Variants in RAD51C observed in about 807,000 individuals in gnomAD.
RAD51C encodes the protein RAD51 paralog C.
A neutral mutation model predicts 45.0 loss-of-function variants in RAD51C; 42 were observed. The ratio of observed to expected loss-of-function variants is 0.93; its 90% CI spans 0.73 to 1.21. The LOEUF is 1.21. Among genes scored for constraint, RAD51C ranks in the 50% most tolerant of loss-of-function variants. The pLI, the probability that RAD51C is intolerant of heterozygous loss-of-function variation, is 0.00. For synonymous variants in RAD51C, 172 were observed against 159.8 expected (o/e 1.08, Z -0.58); for missense variants, 474 against 452.2 (o/e 1.05, Z -0.44).
At chr17:58,706,455 GAA>G (rs1389382655) in intron 4 of RAD51C, 1 of 372,508 alleles carries the variant, frequency 2.7e-6, no homozygotes, top group South Asian at 2.1e-5. Context: ...ATTAAAAAAA[GAA>G]TGATCCTTTG....
At chr17:58,730,164 C>CTTTTT (rs35483724) in intron 7 of RAD51C, among the ~76,000 whole-genome samples, 1 of 121,932 alleles carries the variant, frequency 8.2e-6, no homozygotes, top group Non-Finnish European at 1.7e-5. Flanking sequence ...CACAGCTGTT[C>CTTTTT]TTTTTTTTTT....
At chr17:58,699,557 G>C (rs991409428) in intron 3 of RAD51C, among the ~76,000 whole-genome samples, 5 of 151,704 alleles carry the variant, frequency 3.3e-5, no homozygotes, top group African/African-American at 1.2e-4. Context: ...ATGCCACTTT[G>C]GCATAAGGAT....
rs786201775 is a variant in RAD51C, at chr17:58,692,722, C to T, written c.79C>T (p.Leu27=). The stretch of plus-strand genomic sequence containing the variant: ...GCTGTCTCCAGCGGTGCGGGTGAAG[C>T]TGGTGTCTGCGGGGTTCCAGACTGC... ...FPLSPAVRVK[L]VSAGFQTAEE... Residue 27 remains leucine (L), a synonymous_variant, in exon 1 of 9, where the codon CTG becomes TTG. Coordinates refer to ENST00000337432, the MANE Select transcript of RAD51C (RefSeq NM_058216.3). 1.6e-5 allele frequency: 26 copies of T among 1,614,106 alleles called. No individual in the cohort carries two copies. The highest frequency in any genetic ancestry group is 2.0e-5 in the Non-Finnish European group (24 of 1,180,044).
chr17:58,726,173 G>C (rs1256469282), intron 7 of RAD51C, among the ~76,000 whole-genome samples: 3 of 151,290 alleles, frequency 2.0e-5, no homozygotes, highest in Admixed American at 2.0e-4. Flanking sequence ...GTGCTTGCTT[G>C]TGCTAGGTAT....
At chr17:58,702,155 C>T (rs2048232912) in intron 3 of RAD51C, among the ~76,000 whole-genome samples, 1 of 151,930 alleles carries the variant, frequency 6.6e-6, no homozygotes, top group Admixed American at 6.6e-5. Flanking sequence ...ACCATCACAC[C>T]TGACTAATTT....
At chr17:58,710,270 A>G (rs867266011) in intron 5 of RAD51C, among the ~76,000 whole-genome samples, 5 of 145,990 alleles carry the variant, frequency 3.4e-5, no homozygotes, top group South Asian at 2.2e-4. Context: ...TCATGAGGTC[A>G]GGAGTTTGAG....
chr17:58,720,862 C>G (rs2048896588), intron 6 of RAD51C, 50 bp downstream of exon 6: 2 of 1,453,148 alleles, frequency 1.4e-6, no homozygotes, highest in Non-Finnish European at 1.9e-6. Context: ...TTTTTCTTAT[C>G]TCTTTCATTT....
intron 3 of RAD51C, among the ~76,000 whole-genome samples, chr17:58,700,984 C>G (rs182979146): frequency 4.1e-4 from 63 of 152,196 alleles, no homozygotes; most frequent in Non-Finnish European, 7.4e-4. Flanking sequence ...GCAGCCTTGA[C>G]CTCCCTGGGC....
intron 7 of RAD51C, among the ~76,000 whole-genome samples, chr17:58,730,638 C>T (rs1228759239): frequency 2.0e-5 from 3 of 152,014 alleles, no homozygotes; most frequent in Admixed American, 6.6e-5. Flanking sequence ...AAGAGAGTAA[C>T]AGATCATAGC....
At chr17:58,699,861 T>C (rs1428772006) in intron 3 of RAD51C, 1 of 152,196 alleles carries the variant, frequency 6.6e-6, no homozygotes, top group Non-Finnish European at 1.5e-5. Flanking sequence ...TCAAATCTTT[T>C]TTTTTTGAGA....
chr17:58,700,836 A>G (rs1337522493), intron 3 of RAD51C, among the ~76,000 whole-genome samples: 1 of 152,176 alleles, frequency 6.6e-6, no homozygotes, highest in East Asian at 1.9e-4. Context: ...AATGTTTTCT[A>G]TTTTAAAATA....
chr17:58,710,148 T>C lies in RAD51C; in HGVS notation c.837+158T>C, dbSNP rs141149545. Among the ~76,000 whole-genome samples the C allele has an allele frequency of 7.2e-5, 11 of 152,026 alleles. No individual in the cohort carries two copies. The East Asian group carries it at 2.1e-3, about 29-fold the overall frequency. ...GTTGGTTTCCATTAAAAAATTCTGGTCATAAGTGTCAGTTTTCCTGGAAAA... is the reference window on the plus strand; with the variant it reads ...GTTGGTTTCCATTAAAAAATTCTGGCCATAAGTGTCAGTTTTCCTGGAAAA... On this transcript the variant is annotated intron_variant, in intron 5 of 8. Transcript: ENST00000337432.
rs28363318 is a variant in RAD51C at position 58,720,846 on chromosome 17, T to C, written c.904+34T>C. 484,263 of 1,537,120 alleles carry C rather than the reference T, an allele frequency of 0.32. 80,616 individuals are homozygous for C. Among genetic ancestry groups the C allele is most frequent in the Middle Eastern group, 0.43 (2,012 of 4,658 alleles). On this transcript the variant is annotated intron_variant, in intron 6 of 8. Coordinates refer to ENST00000337432, the MANE Select transcript of RAD51C (RefSeq NM_058216.3). ...TTAATCAGATAAACATTTTAGTTTA[T>C]CACAGTTTTTCTTATCTCTTTCATT...
rs1413911679 is a variant in RAD51C at position 58,734,933 on chromosome 17, T to C, written c.*711T>C. 1 of 152,128 alleles carries C rather than the reference T, an allele frequency of 6.6e-6. No individual in the cohort carries two copies. The highest frequency in any genetic ancestry group is 1.5e-5 in the Non-Finnish European group (1 of 68,122). 9.4% of individuals were successfully genotyped at this position (152,128 alleles called of 1,614,324 possible). ...ATGTAAATTTGATAATTCTTTAAAA[T>C]TACCCGCTTTTATAATTATAAAAGA... On this transcript the variant is annotated 3_prime_UTR_variant, in exon 9 of 9. Transcript: ENST00000337432.
chr17:58,702,321 A>G (rs528953521), intron 3 of RAD51C, among the ~76,000 whole-genome samples: 1 of 152,314 alleles, frequency 6.6e-6, no homozygotes, highest in Admixed American at 6.5e-5. Context: ...GGCAGGCATT[A>G]AAACACTAGT....
chr17:58,723,945 T>G, intron 6 of RAD51C, 95 bp from the exon 7 acceptor site: 1 of 1,131,384 alleles, frequency 8.8e-7, no homozygotes, highest in East Asian at 2.5e-5. Flanking sequence ...TATGTTAAAT[T>G]AATAAAGTAA....
Position 58,735,206 on chromosome 17 carries a change from T to C in RAD51C, c.*984T>C, listed in dbSNP as rs1024024980. 2.6e-5 allele frequency: 4 copies of C among 152,240 alleles called. No homozygotes were observed. The highest frequency in any genetic ancestry group is 9.7e-5 in the African/African-American group (4 of 41,440). The allele number at this position is 152,240 out of a possible 1,614,324, so 9.4% of individuals were successfully genotyped here. On this transcript the variant is annotated 3_prime_UTR_variant, in exon 9 of 9. Coordinates refer to ENST00000337432, the MANE Select transcript of RAD51C (RefSeq NM_058216.3). The stretch of plus-strand genomic sequence containing the variant: ...AATCATTTATTGCTACGTTTTTGTT[T>C]TTGTTTTGAGACAAGGTCTCACTCC...
At chr17:58,699,309 TG>T (rs774190677) in intron 3 of RAD51C, among the ~76,000 whole-genome samples, 52 of 152,136 alleles carry the variant, frequency 3.4e-4, no homozygotes, top group Non-Finnish European at 6.6e-4. Flanking sequence ...CCCGGCCTAT[TG>T]TTTTCTTTTT....
intron 4 of RAD51C, chr17:58,706,508 T>C (rs184126555): frequency 2.8e-4 from 125 of 450,126 alleles, no homozygotes; most frequent in African/African-American, 2.0e-3. Context: ...AGTAGCAGAA[T>C]CACCCTACTG....
Sources: gnomAD v4.1 joint callset for allele counts (sites outside exome capture counted in the v4.1 genomes callset) on GRCh38, gnomAD v4.1.1 for gene constraint, MANE v1.5 for transcripts, NCBI Gene and HGNC (gene_info 2026-07-23, HGNC 2026-07-21) for gene names.